The following GABRB1 variants were observed in gnomAD, a reference collection of about 807,000 sequenced individuals.
GABRB1 encodes gamma-aminobutyric acid receptor subunit beta-1.
GABRB1 carries 17 observed loss-of-function variants against 51.6 expected under a neutral mutation model. That is an observed-to-expected ratio of 0.33 (90% CI 0.23 to 0.49). The LOEUF (loss-of-function observed/expected upper bound fraction) is 0.49. GABRB1 is among the 20% of genes least tolerant of loss of function. The probability of loss-of-function intolerance (pLI) is 0.99; values close to 1 mark genes in which losing one functional copy is unlikely to be tolerated. For synonymous variants in GABRB1, 247 were observed against 218.9 expected, an observed-to-expected ratio of 1.13 and a Z score of -1.14; for missense variants, 410 against 600.6, an observed-to-expected ratio of 0.68 and a Z score of 3.32.
intron 3 of GABRB1, among the ~76,000 whole-genome samples, chr4:47,107,627 G>T (rs1577914279): frequency 6.6e-6 from 1 of 152,100 alleles, no homozygotes; most frequent in Non-Finnish European, 1.5e-5. Flanking sequence ...CTCCTTAAAG[G>T]TTGTTGTAGG....
intron 4 of GABRB1, among the ~76,000 whole-genome samples, chr4:47,280,129 A>T (rs978547740): frequency 2.6e-5 from 4 of 151,512 alleles, no homozygotes. Context: ...CTGTAGAGGT[A>T]TGCTTTGAAA....
intron 3 of GABRB1, among the ~76,000 whole-genome samples, chr4:47,058,691 CA>C (rs565046931): frequency 3.7e-4 from 56 of 152,176 alleles, no homozygotes; most frequent in Non-Finnish European, 2.4e-4. Flanking sequence ...ATTTTATCTG[CA>C]ATATGTTTTA....
intron 4 of GABRB1, among the ~76,000 whole-genome samples, chr4:47,178,237 T>G (rs926385010): frequency 2.0e-5 from 3 of 152,220 alleles, no homozygotes; most frequent in East Asian, 3.9e-4. Context: ...AAACACTCAA[T>G]GAATGGGAAC....
At chr4:47,065,849 A>G (rs1727056624) in intron 3 of GABRB1, among the ~76,000 whole-genome samples, 1 of 152,224 alleles carries the variant, frequency 6.6e-6, no homozygotes, top group Admixed American at 6.5e-5. Flanking sequence ...AATTAGGTTA[A>G]CTTTAATAAA....
chr4:47,206,865 T>A (rs953397323), intron 4 of GABRB1, among the ~76,000 whole-genome samples: 1 of 151,492 alleles, frequency 6.6e-6, no homozygotes, highest in African/African-American at 2.4e-5. Flanking sequence ...TATGTATATA[T>A]ATGTGTGTGT....
chr4:47,224,173 C>T (rs1720863133), intron 4 of GABRB1, among the ~76,000 whole-genome samples: 1 of 152,078 alleles, frequency 6.6e-6, no homozygotes, highest in South Asian at 2.1e-4. Flanking sequence ...CTCAAGCTCC[C>T]TCTCAAGCTG....
intron 1 of GABRB1, among the ~76,000 whole-genome samples, chr4:47,021,613 T>G (rs1434504200): frequency 6.6e-6 from 1 of 152,174 alleles, no homozygotes; most frequent in Non-Finnish European, 1.5e-5. Context: ...ACTATCTCAG[T>G]TCCTTCTTCT....
intron 8 of GABRB1, among the ~76,000 whole-genome samples, chr4:47,415,283 AC>A (rs1728874917): frequency 6.6e-6 from 1 of 152,156 alleles, no homozygotes; most frequent in African/African-American, 2.4e-5. Context: ...TCCTAGTTTC[AC>A]ATGTGCTGTT....
intron 1 of GABRB1, among the ~76,000 whole-genome samples, chr4:47,017,948 T>C (rs1419450710): frequency 6.6e-6 from 1 of 152,210 alleles, no homozygotes; most frequent in Non-Finnish European, 1.5e-5. Context: ...CAAAATAAAA[T>C]CTCTTATCTT....
intron 3 of GABRB1, among the ~76,000 whole-genome samples, chr4:47,077,935 ATATTT>A (rs1560523598): frequency 1.7e-4 from 20 of 119,636 alleles, no homozygotes; most frequent in African/African-American, 6.1e-4. Flanking sequence ...TATATATTAT[ATATTT>A]TATATATATT....
intron 5 of GABRB1, among the ~76,000 whole-genome samples, chr4:47,354,168 G>T (rs542943023): frequency 1.2e-4 from 18 of 152,262 alleles, no homozygotes; most frequent in African/African-American, 3.6e-4. Flanking sequence ...AGCACAGGGG[G>T]CAGCCCTCAA....
chr4:47,292,313 T>G (rs1385964904), intron 4 of GABRB1, among the ~76,000 whole-genome samples: 1 of 152,246 alleles, frequency 6.6e-6, no homozygotes, highest in Non-Finnish European at 1.5e-5. Context: ...AACCTCTTTC[T>G]TTTGTAAATT....
At chr4:47,243,287 T>C (rs1286056903) in intron 4 of GABRB1, among the ~76,000 whole-genome samples, 1 of 152,226 alleles carries the variant, frequency 6.6e-6, no homozygotes, top group Admixed American at 6.5e-5. Context: ...TTGGTTACTG[T>C]AGGCTTGTAG....
chr4:47,192,512 A>G (rs1468856843), intron 4 of GABRB1, among the ~76,000 whole-genome samples: 1 of 152,194 alleles, frequency 6.6e-6, no homozygotes, highest in East Asian at 1.9e-4. Context: ...TTGCTGTTAT[A>G]TCATTAATTG....
At chr4:47,150,664 T>C (rs1717403857) in intron 3 of GABRB1, among the ~76,000 whole-genome samples, 1 of 139,814 alleles carries the variant, frequency 7.2e-6, no homozygotes, top group Non-Finnish European at 1.6e-5. Context: ...CACACACACA[T>C]AATGTTATAA....
At chr4:47,050,441 A>G (rs998339301) in intron 3 of GABRB1, among the ~76,000 whole-genome samples, 1 of 151,248 alleles carries the variant, frequency 6.6e-6, no homozygotes, top group African/African-American at 2.4e-5. Flanking sequence ...ATATATATAT[A>G]CATACATATA....
chr4:47,060,859 T>G (rs1726820008), intron 3 of GABRB1, among the ~76,000 whole-genome samples: 1 of 152,230 alleles, frequency 6.6e-6, no homozygotes, highest in Non-Finnish European at 1.5e-5. Flanking sequence ...TTCATTACAT[T>G]ATTCATAATT....
At chr4:47,405,180 C>G (rs556494665) in intron 7 of GABRB1, among the ~76,000 whole-genome samples, 53 of 152,276 alleles carry the variant, frequency 3.5e-4, no homozygotes, top group African/African-American at 1.2e-3. Flanking sequence ...AGAAAGACCA[C>G]TCATTATGAC....
At chr4:47,014,802 G>GAT (rs540033933) in intron 1 of GABRB1, among the ~76,000 whole-genome samples, 308 of 152,260 alleles carry the variant, frequency 2.0e-3, no homozygotes, top group Non-Finnish European at 3.6e-3. Context: ...TTAAATCCAG[G>GAT]ATATAGATAG....
Sources: allele counts gnomAD v4.1 joint callset (sites outside exome capture counted in the v4.1 genomes callset), GRCh38; gene constraint gnomAD v4.1.1; transcripts MANE v1.5; gene names NCBI Gene and HGNC (gene_info 2026-07-23, HGNC 2026-07-21).